Variants in HIRA observed in about 807,000 individuals in gnomAD.
HIRA encodes histone cell cycle regulator.
HIRA carries 13 observed loss-of-function variants against 126.6 expected under a neutral mutation model. The ratio of observed to expected loss-of-function variants is 0.10; its 90% CI spans 0.07 to 0.16. The LOEUF is 0.16. Among genes scored for constraint, HIRA ranks in the 10% least tolerant of loss-of-function variants. HIRA has a pLI of 1.00. For synonymous variants in HIRA, 511 were observed against 520.0 expected (o/e 0.98, Z 0.24); for missense variants, 834 against 1,314.4 (o/e 0.63, Z 5.65).
chr22:19,373,304 A>G (rs577542527), intron 15 of HIRA, among the ~76,000 whole-genome samples: 10 of 152,082 alleles, frequency 6.6e-5, no homozygotes, highest in African/African-American at 2.4e-4. Flanking sequence ...TTTAGCTTTC[A>G]TGTCTTTCAA....
chr22:19,333,664 A>G (rs1213433706), intron 24 of HIRA, among the ~76,000 whole-genome samples: 3 of 152,170 alleles, frequency 2.0e-5, no homozygotes, highest in Non-Finnish European at 4.4e-5. Flanking sequence ...ATTTCTTCAA[A>G]TAAGCTCTCT....
At chr22:19,348,910 C>T (rs183901084) in intron 24 of HIRA, among the ~76,000 whole-genome samples, 2 of 152,044 alleles carry the variant, frequency 1.3e-5, no homozygotes, top group East Asian at 1.9e-4. Flanking sequence ...CTCAGCCTCC[C>T]GAGTAGCTGG....
At chr22:19,408,700 C>A (rs2089326591) in intron 2 of HIRA, 107 bp from the exon 3 acceptor site, 2 of 651,072 alleles carry the variant, frequency 3.1e-6, no homozygotes, top group South Asian at 3.4e-5. Context: ...CTTCCATAAA[C>A]AATAATTAAC....
intron 5 of HIRA, chr22:19,399,075 C>T (rs1374806489): frequency 2.1e-6 from 2 of 954,048 alleles, no homozygotes; most frequent in Admixed American, 1.2e-4. Context: ...ATGCCAGGCA[C>T]ACACCAAGGC....
intron 24 of HIRA, among the ~76,000 whole-genome samples, chr22:19,346,003 T>C (rs183975575): frequency 2.0e-5 from 3 of 152,308 alleles, no homozygotes; most frequent in East Asian, 1.9e-4. Flanking sequence ...CTACAAACCA[T>C]TGAGAAAAAC....
rs552390659 is a variant in HIRA, at chr22:19,367,531, T to C, written c.1776-5600A>G. ...ACAGGCACGCACCACCACGCCCCGC[T>C]AATTTTTGTATTTTTACTAGAGACG... On this transcript the variant is annotated intron_variant, in intron 15 of 24. Coordinates refer to ENST00000263208, the MANE Select transcript of HIRA (RefSeq NM_003325.4). Among the ~76,000 whole-genome samples the C allele has an allele frequency of 2.9e-4, 44 of 152,262 alleles. 1 individual carries two copies. The East Asian group carries it at 8.5e-3, about 29-fold the overall frequency.
chr22:19,390,233 T>C lies in HIRA; in HGVS notation c.937-1679A>G, dbSNP rs149523844. On this transcript the variant is annotated intron_variant, in intron 9 of 24. Transcript: ENST00000263208. ...TTCTCACTCGCCAACTACCATTGAG[T>C]ATATCTGCTGAGAACCTGCTCTGTA... Among the ~76,000 whole-genome samples, 528 of 151,940 alleles carry C rather than the reference T, an allele frequency of 3.5e-3. 3 individuals carry two copies. Among genetic ancestry groups the C allele is most frequent in the Non-Finnish European group, 5.8e-3 (393 of 67,956 alleles).
intron 13 of HIRA, among the ~76,000 whole-genome samples, chr22:19,379,233 C>T (rs2089047771): frequency 1.3e-5 from 2 of 151,326 alleles, no homozygotes; most frequent in African/African-American, 4.8e-5. Context: ...AGGATGGTCT[C>T]GATCTCCTGA....
intron 1 of HIRA, among the ~76,000 whole-genome samples, chr22:19,426,485 A>G (rs2089489388): frequency 6.6e-6 from 1 of 152,210 alleles, no homozygotes; most frequent in East Asian, 1.9e-4. Flanking sequence ...GTCAAGGTTC[A>G]GTCCAAGGAC....
chr22:19,343,217 CAAT>C (rs2088650665), intron 24 of HIRA, among the ~76,000 whole-genome samples: 1 of 152,000 alleles, frequency 6.6e-6, no homozygotes, highest in Non-Finnish European at 1.5e-5. Flanking sequence ...ATAGGATATT[CAAT>C]AAGATTATCA....
chr22:19,341,448 CAAAAAAAAAAA>C lies in HIRA; in HGVS notation c.2937+9899_2938-9893del, dbSNP rs55996019. 5.8e-3 allele frequency among the ~76,000 whole-genome samples: 623 copies of C among 107,860 alleles called. 3 individuals carry two copies. The highest frequency in any genetic ancestry group is 0.022 in the African/African-American group (595 of 27,288). 70.8% of individuals were successfully genotyped at this position (107,860 alleles called of 152,430 possible). ...TGGGTGACAGAGTGGGACCCTGTTT[CAAAAAAAAAAA>C]AAAAAAAAAAAAATCATATGGAACA... is the stretch of plus-strand genomic sequence containing the variant. On this transcript the variant is annotated intron_variant, in intron 24 of 24. Coordinates refer to ENST00000263208, the MANE Select transcript of HIRA (RefSeq NM_003325.4).
Position 19,331,241 on chromosome 22 carries a change from C to T in HIRA, c.*199G>A, listed in dbSNP as rs1556004475. 1 of 1,502,156 alleles carries T rather than the reference C, an allele frequency of 6.7e-7. No individual in the cohort carries two copies. The highest frequency in any genetic ancestry group is 8.9e-7 in the Non-Finnish European group (1 of 1,125,058). 93.1% of individuals were successfully genotyped at this position (1,502,156 alleles called of 1,614,324 possible). ...GGGGCTTGGAGGGAGGGATGAGCTT[C>T]CCCCTCCTGAGGCAATGTCAGACCC... On this transcript the variant is annotated 3_prime_UTR_variant, in exon 25 of 25. Coordinates refer to ENST00000263208, the MANE Select transcript of HIRA (RefSeq NM_003325.4).
intron 9 of HIRA, among the ~76,000 whole-genome samples, chr22:19,390,625 A>AAAAAAAAAAAAAAAAAAAAAAAG (rs1569304503): frequency 2.0e-5 from 3 of 148,558 alleles, no homozygotes; most frequent in Non-Finnish European, 4.5e-5. Context: ...AAAAAAAAAA[A>AAAAAAAAAAAAAAAAAAAAAAAG]AAGAAGCTGA....
intron 5 of HIRA, chr22:19,399,088 C>T (rs2089246305): frequency 5.1e-6 from 5 of 980,860 alleles, no homozygotes; most frequent in African/African-American, 1.7e-5. Context: ...ACCAAGGCAT[C>T]GATGAGGGTC....
intron 24 of HIRA, among the ~76,000 whole-genome samples, chr22:19,339,454 C>T (rs1556007029): frequency 6.6e-6 from 1 of 151,934 alleles, no homozygotes; most frequent in East Asian, 1.9e-4. Flanking sequence ...GGCCAAAATG[C>T]CAAAACCCCG....
rs111885119 is a variant in HIRA at position 19,353,791 on chromosome 22, C to A, written c.2684+205G>T. Among the ~76,000 whole-genome samples the A allele has an allele frequency of 9.2e-4, 140 of 152,340 alleles. 1 individual carries two copies. Among genetic ancestry groups the A allele is most frequent in the African/African-American group, 3.1e-3 (130 of 41,582 alleles). ...TGACAGGGCCAGTGATTGCTGCCCCCAACCCCAAGATATTACCTGATGCAG... is the reference window on the plus strand; with the variant it reads ...TGACAGGGCCAGTGATTGCTGCCCCAAACCCCAAGATATTACCTGATGCAG... On this transcript the variant is annotated intron_variant, in intron 22 of 24. Transcript: ENST00000263208.
At chr22:19,342,451 A>AT (rs1481705392) in intron 24 of HIRA, among the ~76,000 whole-genome samples, 1 of 152,144 alleles carries the variant, frequency 6.6e-6, no homozygotes. Flanking sequence ...CAGTGGCACG[A>AT]TCTCGGCTCA....
chr22:19,359,062 G>A (rs114726375), intron 18 of HIRA, among the ~76,000 whole-genome samples: 3,061 of 152,280 alleles, frequency 0.02, 114 homozygotes, highest in African/African-American at 0.069. Context: ...CTGGACAAGG[G>A]AATCAGGCCA....
At chr22:19,369,021 G>C (rs560153925) in intron 15 of HIRA, among the ~76,000 whole-genome samples, 2 of 152,314 alleles carry the variant, frequency 1.3e-5, no homozygotes, top group South Asian at 4.1e-4. Flanking sequence ...CAATATCCCT[G>C]GGAGCACCAG....
Sources: allele counts gnomAD v4.1 joint callset (sites outside exome capture counted in the v4.1 genomes callset), GRCh38; gene constraint gnomAD v4.1.1; transcripts MANE v1.5; gene names NCBI Gene and HGNC (gene_info 2026-07-23, HGNC 2026-07-21).